Variants in BPIFA3 observed in about 807,000 individuals in gnomAD.
The protein encoded by BPIFA3 is BPI fold containing family A member 3, also known as BPI fold-containing family A member 3.
In BPIFA3, 32 loss-of-function variants were observed where a neutral mutation model predicts 29.7. The ratio of observed to expected loss-of-function variants is 1.08; its 90% confidence interval spans 0.81 to 1.45. The LOEUF is 1.45. Among genes scored for constraint, BPIFA3 ranks in the 40% most tolerant of loss-of-function variants. The pLI, the probability that BPIFA3 is intolerant of heterozygous loss-of-function variation, is 0.00. For missense variants in BPIFA3, 323 were observed against 311.3 expected (o/e 1.04, Z -0.28); for synonymous variants, 112 against 113.7 (o/e 0.98, Z 0.10).
chr20:33,217,476 C>A lies in BPIFA3; in HGVS notation c.-61C>A, dbSNP rs370084340. On this transcript the variant is annotated 5_prime_UTR_variant, in exon 1 of 7. Transcript: ENST00000375454. Reference sequence around the variant, plus strand: ...TTAGACCATCCCTCCAGACTGCCACCCTCAAAGCCGTCTGCCCAGGCCCCA... The same window carrying A: ...TTAGACCATCCCTCCAGACTGCCACACTCAAAGCCGTCTGCCCAGGCCCCA... The A allele has an allele frequency of 2.8e-5, 45 of 1,585,306 alleles. No individual in the cohort carries two copies. The African/African-American group carries it at 4.3e-4, about 15-fold the overall frequency.
rs114478281 is a variant in BPIFA3, at chr20:33,226,822, G to A, written c.622-108G>A. On this transcript the variant is annotated intron_variant, in intron 5 of 6. Coordinates refer to ENST00000375454, the MANE Select transcript of BPIFA3 (RefSeq NM_178466.5). ...ACTACAAGGGAGCTGCTCTGGCCACGATTCCTACTGGAAAAAATCCCATGG... is the reference window on the plus strand; with the variant it reads ...ACTACAAGGGAGCTGCTCTGGCCACAATTCCTACTGGAAAAAATCCCATGG... 1,899 of 1,397,248 alleles carry A rather than the reference G, an allele frequency of 1.4e-3. 21 individuals are homozygous for A. The African/African-American group carries it at 0.022, about 16-fold the overall frequency. The allele number at this position is 1,397,248 out of a possible 1,614,324, so 86.6% of individuals were successfully genotyped here.
chr20:33,220,259 G>A (rs572934841), intron 1 of BPIFA3, among the ~76,000 whole-genome samples: 4 of 150,550 alleles, frequency 2.7e-5, no homozygotes, highest in Admixed American at 1.3e-4. Context: ...TTAGCCGGGC[G>A]TGGTGGTGAG....
intron 4 of BPIFA3, chr20:33,225,511 C>T: frequency 2.1e-6 from 1 of 473,966 alleles, no homozygotes; most frequent in Non-Finnish European, 3.8e-6. Context: ...TCTCTTTTAT[C>T]TCCATCTCCT....
rs1251650747 is a variant in BPIFA3, at chr20:33,226,396, T to C, written c.537-10T>C. On this transcript the variant is annotated splice_polypyrimidine_tract_variant and intron_variant, in intron 4 of 6. Transcript: ENST00000375454. ...TCTGTTCTGTTCTGTGCCTCTACCT[T>C]TCTTTCTAGGGCTATCCCACCAAAG... is the stretch of plus-strand genomic sequence containing the variant. The C allele has an allele frequency of 6.2e-7, 1 of 1,602,756 alleles. No individual in the cohort carries two copies. The highest frequency in any genetic ancestry group is 1.3e-5 in the African/African-American group (1 of 74,620).
intron 1 of BPIFA3, among the ~76,000 whole-genome samples, chr20:33,219,336 T>C (rs1600625099): frequency 6.6e-6 from 1 of 152,356 alleles, no homozygotes; most frequent in East Asian, 1.9e-4. Context: ...TTGTCAGATT[T>C]ATGCATTGTG....
chr20:33,221,750 TTTC>T (rs1985525028), intron 1 of BPIFA3, among the ~76,000 whole-genome samples: 1 of 152,240 alleles, frequency 6.6e-6, no homozygotes, highest in Non-Finnish European at 1.5e-5. Flanking sequence ...TTATGAATGT[TTTC>T]TATTTTTCCT....
chr20:33,227,444 C>A, intron 6 of BPIFA3, 94 bp from the exon 7 acceptor site: 1 of 1,059,774 alleles, frequency 9.4e-7, no homozygotes. Context: ...CCGGCACCTG[C>A]CTTTGGTCAC....
In BPIFA3 at chr20:33,226,849, G is replaced by A. The variant is rs374914391; in HGVS notation, c.622-81G>A. 311 of 1,561,650 alleles carry A rather than the reference G, an allele frequency of 2.0e-4. 4 individuals carry two copies. The South Asian group carries it at 3.3e-3, about 17-fold the overall frequency. On this transcript the variant is annotated intron_variant, in intron 5 of 6. Transcript: ENST00000375454. ...TTCCTACTGGAAAAAATCCCATGGA[G>A]TTGAAGTTTCCTGCCACAGTCACTT...
chr20:33,223,222 G>A (rs1462384599), intron 1 of BPIFA3, among the ~76,000 whole-genome samples: 1 of 152,168 alleles, frequency 6.6e-6, no homozygotes, highest in Non-Finnish European at 1.5e-5. Context: ...ACTGATCTCA[G>A]GGCAGGTCAA....
At chr20:33,222,553 C>CGG (rs1985561140) in intron 1 of BPIFA3, among the ~76,000 whole-genome samples, 1 of 131,182 alleles carries the variant, frequency 7.6e-6, no homozygotes, top group Non-Finnish European at 1.6e-5. Flanking sequence ...GATAGATGGA[C>CGG]AGATGGATGG....
In BPIFA3 at chr20:33,227,527, TCTC is replaced by T; in HGVS notation, c.686-8_686-6del. ...CACACTGGTGACAGACGCTACCTCT[TCTC>T]CTTACAGAACAGGAGGCTGCTCATG... On this transcript the variant is annotated splice_polypyrimidine_tract_variant and splice_region_variant and intron_variant, in intron 6 of 6. Coordinates refer to ENST00000375454, the MANE Select transcript of BPIFA3 (RefSeq NM_178466.5). The T allele has an allele frequency of 6.2e-7, 1 of 1,611,440 alleles. No individual in the cohort carries two copies. The highest frequency in any genetic ancestry group is 2.2e-5 in the East Asian group (1 of 44,864).
intron 6 of BPIFA3, 32 bp from the exon 7 acceptor site, chr20:33,227,506 C>G: frequency 6.3e-7 from 1 of 1,577,562 alleles, no homozygotes; most frequent in Middle Eastern, 1.7e-4. Context: ...GGTGGGCACA[C>G]TGGTGACAGA....
At chr20:33,225,365 G>C in intron 4 of BPIFA3, 118 bp downstream of exon 4, 1 of 1,424,078 alleles carries the variant, frequency 7.0e-7, no homozygotes, top group Admixed American at 2.0e-5. Flanking sequence ...CCTTCCCCCG[G>C]GATCTGCTCC....
At chr20:33,225,051 T>C in intron 3 of BPIFA3, 47 bp from the exon 4 acceptor site, 1 of 1,574,644 alleles carries the variant, frequency 6.4e-7, no homozygotes, top group Non-Finnish European at 8.7e-7. Flanking sequence ...CTACTCTTTC[T>C]CTACCTCCTC....
chr20:33,227,432 T>C, intron 6 of BPIFA3, 106 bp from the exon 7 acceptor site: 1 of 934,064 alleles, frequency 1.1e-6, no homozygotes. Flanking sequence ...ACGTGAACGC[T>C]CCCGGCACCT....
At chr20:33,222,330 G>A (rs1005718610) in intron 1 of BPIFA3, among the ~76,000 whole-genome samples, 96 of 152,320 alleles carry the variant, frequency 6.3e-4, no homozygotes, top group African/African-American at 2.1e-3. Context: ...TTTCCGATAG[G>A]AGAAACAGAA....
Position 33,227,635 on chromosome 20 carries a change from G to C in BPIFA3, c.*18G>C. On this transcript the variant is annotated 3_prime_UTR_variant, in exon 7 of 7. Transcript: ENST00000375454. ...CCAGCTGACTTCTGCTGATCAGAAGGAAAGTCCACATCTTGCAACCTTAAG... is the reference window on the plus strand; with the variant it reads ...CCAGCTGACTTCTGCTGATCAGAAGCAAAGTCCACATCTTGCAACCTTAAG... 1 of 1,606,034 alleles carries C rather than the reference G, an allele frequency of 6.2e-7. No individual in the cohort carries two copies. The highest frequency in any genetic ancestry group is 8.5e-7 in the Non-Finnish European group (1 of 1,172,790).
intron 4 of BPIFA3, 196 bp downstream of exon 4, chr20:33,225,443 C>T (rs1210201503): frequency 7.5e-6 from 5 of 663,924 alleles, no homozygotes; most frequent in Non-Finnish European, 1.2e-5. Context: ...TCCCTCCTCA[C>T]TCCTCAAGCC....
At chr20:33,223,531 C>A (rs571013003) in intron 1 of BPIFA3, 1 of 325,978 alleles carries the variant, frequency 3.1e-6, no homozygotes, top group Non-Finnish European at 5.7e-6. Context: ...GTGCTCCAGA[C>A]TGAAATACAG....
Sources: allele counts gnomAD v4.1 joint callset (sites outside exome capture counted in the v4.1 genomes callset), GRCh38; gene constraint gnomAD v4.1.1; transcripts MANE v1.5; gene names NCBI Gene and HGNC (gene_info 2026-07-23, HGNC 2026-07-21).